IGSF10: variants seen among roughly 807,000 people sequenced by gnomAD.
IGSF10 encodes calvaria mechanical force protein 608.
A neutral mutation model predicts 128.2 loss-of-function variants in IGSF10; 126 were observed. The ratio of observed to expected loss-of-function variants is 0.98; its 90% CI spans 0.85 to 1.14. IGSF10 has a LOEUF of 1.14. Ranked by LOEUF, IGSF10 falls within the 50% of genes most tolerant of loss-of-function variation. The probability of loss-of-function intolerance (pLI) is 0.00; values close to 1 mark genes in which losing one functional copy is unlikely to be tolerated. For missense variants in IGSF10, 3,295 were observed against 3,149.8 expected (o/e 1.05, Z -1.10); for synonymous variants, 1,185 against 1,146.2 (o/e 1.03, Z -0.68).
chr3:151,456,954 C>T, intron 4 of IGSF10, 72 bp downstream of exon 4: 5 of 1,470,092 alleles, frequency 3.4e-6, no homozygotes. Flanking sequence ...TAGAGATAGG[C>T]AGCCTTTGAA....
At chr3:151,490,643 C>A in the IGSF10 span, among the ~76,000 whole-genome samples, 1 of 151,872 alleles carries the variant, frequency 6.6e-6, no homozygotes, top group Admixed American at 6.6e-5. Context: ...ACAAGTCTTA[C>A]CAAATTTCAG....
chr3:151,495,578 GT>G, the IGSF10 span, among the ~76,000 whole-genome samples: 78 of 114,598 alleles, frequency 6.8e-4, no homozygotes, highest in African/African-American at 2.3e-3. Context: ...AATTTTCACT[GT>G]TTTTTTTATC....
At chr3:151,572,512 G>A in the IGSF10 span, among the ~76,000 whole-genome samples, 3 of 152,158 alleles carry the variant, frequency 2.0e-5, no homozygotes, top group Admixed American at 2.0e-4. Context: ...TTGCGTAGAG[G>A]TGTTTATAGT....
chr3:151,486,627 G>A, the IGSF10 span, among the ~76,000 whole-genome samples: 1 of 152,148 alleles, frequency 6.6e-6, no homozygotes, highest in African/African-American at 2.4e-5. Flanking sequence ...AGACCACAGT[G>A]CAATCAAATT....
chr3:151,485,328 G>T, the IGSF10 span, among the ~76,000 whole-genome samples: 1 of 152,146 alleles, frequency 6.6e-6, no homozygotes. Context: ...ATGTTTGATT[G>T]GTGTGTGTGA....
the IGSF10 span, among the ~76,000 whole-genome samples, chr3:151,475,598 T>TA: frequency 6.6e-6 from 1 of 152,226 alleles, no homozygotes; most frequent in East Asian, 1.9e-4. Context: ...TGCCAACTTG[T>TA]AACCAGTCCA....
the IGSF10 span, among the ~76,000 whole-genome samples, chr3:151,575,824 C>T: frequency 1.3e-5 from 2 of 152,160 alleles, no homozygotes; most frequent in Non-Finnish European, 2.9e-5. Flanking sequence ...CTGGGAGCTG[C>T]AGACCAGAGC....
chr3:151,459,793 TC>T (rs1721969338), intron 2 of IGSF10, among the ~76,000 whole-genome samples: 1 of 152,192 alleles, frequency 6.6e-6, no homozygotes, highest in Non-Finnish European at 1.5e-5. Flanking sequence ...AAAATGACCT[TC>T]ATAATTTGTA....
the IGSF10 span, among the ~76,000 whole-genome samples, chr3:151,468,288 G>A: frequency 6.6e-6 from 1 of 152,190 alleles, no homozygotes; most frequent in Admixed American, 6.5e-5. Context: ...TGACCCTTCA[G>A]TTACAATGGC....
the IGSF10 span, among the ~76,000 whole-genome samples, chr3:151,529,670 A>G: frequency 6.6e-6 from 1 of 152,160 alleles, no homozygotes; most frequent in East Asian, 1.9e-4. Flanking sequence ...CAACATCAAT[A>G]AAAAGGACGT....
At chr3:151,492,232 A>G in the IGSF10 span, among the ~76,000 whole-genome samples, 446 of 152,344 alleles carry the variant, frequency 2.9e-3, 2 homozygotes, top group African/African-American at 0.01. Flanking sequence ...AAGACTACAT[A>G]TAAATGGCCA....
At chr3:151,508,534 A>G in the IGSF10 span, among the ~76,000 whole-genome samples, 5 of 152,178 alleles carry the variant, frequency 3.3e-5, no homozygotes, top group Non-Finnish European at 5.9e-5. Context: ...CCTTTATCAA[A>G]GAGTACAGGT....
the IGSF10 span, among the ~76,000 whole-genome samples, chr3:151,593,403 T>C: frequency 4.3e-3 from 654 of 152,274 alleles, 8 homozygotes; most frequent in Middle Eastern, 0.054. Context: ...TAAGCCACCA[T>C]GCCTGGCTTC....
upstream of IGSF10, among the ~76,000 whole-genome samples, chr3:151,463,723 C>T (rs2108588178): frequency 6.6e-6 from 1 of 151,756 alleles, no homozygotes; most frequent in East Asian, 1.9e-4. Flanking sequence ...CAGTGGCTCA[C>T]ACCTGTAATC....
the IGSF10 span, among the ~76,000 whole-genome samples, chr3:151,569,811 G>A: frequency 6.6e-6 from 1 of 151,978 alleles, no homozygotes; most frequent in Non-Finnish European, 1.5e-5. Context: ...GTATACATGC[G>A]CCATGTTGGT....
chr3:151,437,287 A>T lies in IGSF10; in HGVS notation c.7274T>A (p.Ile2425Lys), dbSNP rs764003846. ...AACTGGCTTCTGGCCAATTTCTAATATGACTAATTTCTCAATATAGCCAAC... is the reference window on the plus strand; with the variant it reads ...AACTGGCTTCTGGCCAATTTCTAATTTGACTAATTTCTCAATATAGCCAAC... Reference protein sequence around the residue: ...NKVGYIEKLVILEIGQKPVIL... With the variant: ...NKVGYIEKLVKLEIGQKPVIL... The change falls in exon 8 of 8, where the codon ATA becomes AAA. Residue 2425 changes from isoleucine to lysine, a missense_variant. By Grantham distance (102) the Ile-to-Lys change is moderately radical. Coordinates refer to ENST00000282466, the MANE Select transcript of IGSF10 (RefSeq NM_178822.5). 2.5e-5 allele frequency: 40 copies of T among 1,614,070 alleles called. No homozygotes were observed. Among genetic ancestry groups the T allele is most frequent in the Non-Finnish European group, 3.2e-5 (38 of 1,180,028 alleles).
At chr3:151,571,630 T>C in the IGSF10 span, among the ~76,000 whole-genome samples, 1 of 152,186 alleles carries the variant, frequency 6.6e-6, no homozygotes, top group South Asian at 2.1e-4. Context: ...GCTGAGACGA[T>C]GGGGTTTTCT....
chr3:151,456,834 C>T (rs1173537029), intron 4 of IGSF10, among the ~76,000 whole-genome samples, 192 bp downstream of exon 4: 2 of 152,124 alleles, frequency 1.3e-5, no homozygotes, highest in African/African-American at 2.4e-5. Flanking sequence ...AAACTTGCCT[C>T]AGAGTTCTTA....
intron 5 of IGSF10, among the ~76,000 whole-genome samples, chr3:151,452,491 G>C (rs1216538825): frequency 6.6e-6 from 1 of 152,056 alleles, no homozygotes; most frequent in Non-Finnish European, 1.5e-5. Context: ...ATGTCACTAG[G>C]CAATAGTTTT....
Sources: allele counts gnomAD v4.1 joint callset (sites outside exome capture counted in the v4.1 genomes callset), GRCh38; gene constraint gnomAD v4.1.1; transcripts MANE v1.5; gene names NCBI Gene and HGNC (gene_info 2026-07-23, HGNC 2026-07-21).